The following PNMT variants were observed in gnomAD, a reference collection of about 807,000 sequenced individuals.
PNMT encodes the protein noradrenaline N-methyltransferase.
PNMT carries 18 observed loss-of-function variants against 18.9 expected under a neutral mutation model. The ratio of observed to expected loss-of-function variants is 0.95; its 90% confidence interval spans 0.66 to 1.41. PNMT has a LOEUF of 1.41. Ranked by LOEUF, PNMT falls within the 40% of genes most tolerant of loss-of-function variation. The pLI, the probability that PNMT is intolerant of heterozygous loss-of-function variation, is 0.00. For missense variants in PNMT, 378 were observed against 387.0 expected, an observed-to-expected ratio of 0.98 and a Z score of 0.20; for synonymous variants, 167 against 168.6, an observed-to-expected ratio of 0.99 and a Z score of 0.08.
intron 2 of PNMT, 25 bp downstream of exon 2, chr17:39,669,861 G>A (rs1433862570): frequency 1.2e-6 from 2 of 1,605,654 alleles, no homozygotes; most frequent in East Asian, 2.2e-5. Context: ...GTGAGGGTTG[G>A]GGAGGAGGCT....
intron 1 of PNMT, among the ~76,000 whole-genome samples, chr17:39,669,175 G>A (rs976472440): frequency 3.9e-5 from 6 of 152,064 alleles, no homozygotes; most frequent in Non-Finnish European, 8.8e-5. Flanking sequence ...CCGCCTCCCC[G>A]GTTCAAGCGA....
Position 39,668,508 on chromosome 17 carries a change from C to A in PNMT, c.33C>A (p.Gly11=). Residue 11 remains glycine (G), a synonymous_variant, in exon 1 of 3, where the codon GGC becomes GGA. Transcript: ENST00000269582. ...GCGCAGACCGTAGCCCCAATGCGGG[C>A]GCAGCCCCTGACTCGGCCCCGGGCC... The part of the protein sequence containing the change: MSGADRSPNA[G]AAPDSAPGQA... 6.5e-7 allele frequency: 1 copy of A among 1,529,290 alleles called. No homozygotes were observed. Among genetic ancestry groups the A allele is most frequent in the South Asian group, 1.2e-5 (1 of 83,100 alleles). The allele number at this position is 1,529,290 out of a possible 1,614,324, so 94.7% of individuals were successfully genotyped here.
chr17:39,669,422 C>A (rs895121117), intron 1 of PNMT, among the ~76,000 whole-genome samples: 1 of 152,142 alleles, frequency 6.6e-6, no homozygotes, highest in Non-Finnish European at 1.5e-5. Context: ...AGTCTCAGAG[C>A]GGTGAAGTTC....
At chr17:39,668,443 C>G, upstream of PNMT, 1 of 1,346,364 alleles carries the variant, frequency 7.4e-7, no homozygotes, top group Non-Finnish European at 9.5e-7. Flanking sequence ...GGCCGCGAGG[C>G]GAGCGGGGCA....
chr17:39,668,671 G>T lies in PNMT; in HGVS notation c.196G>T (p.Ala66Ser), dbSNP rs1205490031. The change falls in exon 1 of 3, where the codon GCC (alanine) becomes TCC (serine). Residue 66 changes from alanine (A) to serine (S), a missense_variant. Coordinates refer to ENST00000269582, the MANE Select transcript of PNMT (RefSeq NM_002686.4). ...GCTGCGCTGCTTGGCGCAGACCTTC[G>T]CCACCGGTGAGCGGGGGAAACTGAG... Reference protein sequence around the residue: ...WKLRCLAQTFATGEVSGRTLI... With the variant: ...WKLRCLAQTFSTGEVSGRTLI... 6.4e-7 allele frequency: 1 copy of T among 1,574,228 alleles called. No homozygotes were observed. Among genetic ancestry groups the T allele is most frequent in the Non-Finnish European group, 8.6e-7 (1 of 1,158,402 alleles).
At chr17:39,668,165 TG>T (rs1190454757), upstream of PNMT, 1 of 173,924 alleles carries the variant, frequency 5.7e-6, no homozygotes, top group East Asian at 7.5e-5. Flanking sequence ...GAACTGAGGG[TG>T]GGGGGCGCCC....
rs2057272816 is a variant in PNMT, at chr17:39,668,520, C to T, written c.45C>T (p.Asp15=). 2 of 1,538,228 alleles carry T rather than the reference C, an allele frequency of 1.3e-6. No homozygotes were observed. Among genetic ancestry groups the T allele is most frequent in the Admixed American group, 1.9e-5 (1 of 51,922 alleles). ...GCCCCAATGCGGGCGCAGCCCCTGA[C>T]TCGGCCCCGGGCCAGGCGGCGGTGG... ...DRSPNAGAAP[D]SAPGQAAVAS... is the part of the protein sequence containing the mutation. Residue 15 remains aspartate (D), a synonymous_variant, in exon 1 of 3, where the codon GAC becomes GAT. Transcript: ENST00000269582.
rs956719603 is a variant in PNMT at position 39,670,233 on chromosome 17, G to A, written c.693G>A (p.Val231=). The change falls in exon 3 of 3, where the codon GTG becomes GTA. Residue 231 remains valine, a synonymous_variant. Transcript: ENST00000269582. ...WYLAGEARLT[V]VPVSEEEVRE... is the part of the protein sequence containing the mutation. ...TGGCTGGGGAGGCCAGGCTGACGGT[G>A]GTGCCAGTGTCTGAGGAGGAGGTGA... is the stretch of plus-strand genomic sequence containing the variant. 2.5e-6 allele frequency: 4 copies of A among 1,610,642 alleles called. No individual in the cohort carries two copies. The highest frequency in any genetic ancestry group is 3.4e-6 in the Non-Finnish European group (4 of 1,179,136).
intron 2 of PNMT, 54 bp from the exon 3 acceptor site, chr17:39,669,897 A>G (rs2057284220): frequency 6.3e-7 from 1 of 1,592,520 alleles, no homozygotes; most frequent in African/African-American, 1.3e-5. Flanking sequence ...GGTTGGGGCA[A>G]CAGAGGCCTG....
In PNMT at chr17:39,670,213, G is replaced by T. The variant is rs894322044; in HGVS notation, c.673G>T (p.Gly225Trp). The T allele has an allele frequency of 4.3e-6, 7 of 1,611,290 alleles. No homozygotes were observed. In the African/African-American group the frequency reaches 8.0e-5, roughly 18 times the overall value. Reference sequence around the variant, plus strand: ...CCTGGAGGAGTCGTGGTACCTGGCTGGGGAGGCCAGGCTGACGGTGGTGCC... The same window carrying T: ...CCTGGAGGAGTCGTGGTACCTGGCTTGGGAGGCCAGGCTGACGGTGGTGCC... The part of the protein sequence containing the change: ...GALEESWYLA[G>W]EARLTVVPVS... The change falls in exon 3 of 3, where the codon GGG (glycine) becomes TGG (tryptophan). Residue 225 changes from glycine (G) to tryptophan (W), a missense_variant. Coordinates refer to ENST00000269582, the MANE Select transcript of PNMT (RefSeq NM_002686.4).
In PNMT at chr17:39,670,183, G is replaced by A. The variant is rs368175101; in HGVS notation, c.643G>A (p.Gly215Arg). 1.1e-5 allele frequency: 17 copies of A among 1,611,944 alleles called. No homozygotes were observed. Among genetic ancestry groups the A allele is most frequent in the South Asian group, 9.9e-5 (9 of 90,954 alleles). Residue 215 changes from glycine to arginine, a missense_variant, in exon 3 of 3, where the codon GGG becomes AGG. By Grantham distance (125) the Gly-to-Arg change is moderately radical. Coordinates refer to ENST00000269582, the MANE Select transcript of PNMT (RefSeq NM_002686.4). The part of the protein sequence containing the change: ...LRPGGHLLLI[G>R]ALEESWYLAG... ...GCCTGGGGGGCACCTCCTCCTCATCGGGGCCCTGGAGGAGTCGTGGTACCT... is the reference window on the plus strand; with the variant it reads ...GCCTGGGGGGCACCTCCTCCTCATCAGGGCCCTGGAGGAGTCGTGGTACCT...
Position 39,670,029 on chromosome 17 carries a change from G to GCCCCTGGGTGCTGGGAGCCCAGCT in PNMT, c.496_519dup (p.Gly166_Leu173dup), listed in dbSNP as rs778205956. Reference sequence around the variant, plus strand: ...TGCCCATCGACGTGCACCAGCCCCAGCCCCTGGGTGCTGGGAGCCCAGCTC... The same window carrying GCCCCTGGGTGCTGGGAGCCCAGCT: ...TGCCCATCGACGTGCACCAGCCCCAGCCCCTGGGTGCTGGGAGCCCAGCTCCCCTGGGTGCTGGGAGCCCAGCTC... On this transcript the variant is annotated inframe_insertion, in exon 3 of 3. Coordinates refer to ENST00000269582, the MANE Select transcript of PNMT (RefSeq NM_002686.4). The GCCCCTGGGTGCTGGGAGCCCAGCT allele has an allele frequency of 5.1e-5, 82 of 1,605,774 alleles. No individual in the cohort carries two copies. Among genetic ancestry groups the GCCCCTGGGTGCTGGGAGCCCAGCT allele is most frequent in the Non-Finnish European group, 6.4e-5 (76 of 1,179,896 alleles).
rs747347081 is a variant in PNMT, at chr17:39,669,842, G to A, written c.410+6G>A. On this transcript the variant is annotated splice_donor_region_variant and intron_variant, in intron 2 of 2. Coordinates refer to ENST00000269582, the MANE Select transcript of PNMT (RefSeq NM_002686.4). ...TGCCTCATTGAGGGCAAGGGGTAAG[G>A]ACTGGGGGGTGAGGGTTGGGGAGGA... 6.2e-7 allele frequency: 1 copy of A among 1,611,718 alleles called. No individual in the cohort carries two copies. The highest frequency in any genetic ancestry group is 1.1e-5 in the South Asian group (1 of 90,984).
In PNMT at chr17:39,670,410, T is replaced by C. The variant is rs1275771189; in HGVS notation, c.*21T>C. 3 of 1,530,860 alleles carry C rather than the reference T, an allele frequency of 2.0e-6. No individual in the cohort carries two copies. Among genetic ancestry groups the C allele is most frequent in the South Asian group, 1.2e-5 (1 of 80,044 alleles). 94.8% of individuals were successfully genotyped at this position (1,530,860 alleles called of 1,614,324 possible). A position where few individuals can be genotyped will look rare whatever the true frequency, so the allele number is the denominator to read the frequency against. ...TGTGAGGGCTGTACCTGGTGCCCTG[T>C]GGCCCCCACCCACCTGGATTCCCTG... On this transcript the variant is annotated 3_prime_UTR_variant, in exon 3 of 3. Transcript: ENST00000269582.
chr17:39,668,206 G>A (rs951624297), upstream of PNMT: 5 of 383,822 alleles, frequency 1.3e-5, no homozygotes, highest in Admixed American at 9.4e-5. Context: ...GGGCAGGCGA[G>A]GCGGAGGGCG....
intron 1 of PNMT, among the ~76,000 whole-genome samples, 180 bp downstream of exon 1, chr17:39,668,857 G>T (rs2057275672): frequency 6.6e-6 from 1 of 152,000 alleles, no homozygotes. Flanking sequence ...CCTTAGGAGA[G>T]GGGCAGAGGA....
Position 39,669,936 on chromosome 17 carries a change from G to C in PNMT, c.411-15G>C. On this transcript the variant is annotated splice_polypyrimidine_tract_variant and intron_variant, in intron 2 of 2. Transcript: ENST00000269582. ...GTAGAACAGCCTTGAGCCCTGCCTT[G>C]TGCCTCCTGCACAGGGAATGCTGGC... 6.3e-7 allele frequency: 1 copy of C among 1,595,158 alleles called. No homozygotes were observed. The highest frequency in any genetic ancestry group is 1.1e-5 in the South Asian group (1 of 89,308).
At chr17:39,668,403 T>G (rs1597807043), upstream of PNMT, 6 of 1,253,436 alleles carry the variant, frequency 4.8e-6, no homozygotes, top group East Asian at 1.9e-4. Flanking sequence ...AGCGGACCGG[T>G]CGGGGCGGGG....
At position 39,669,983 on chromosome 17, in the gene PNMT, G is replaced by T; in HGVS notation, c.443G>T (p.Arg148Leu). The change falls in exon 3 of 3, where the codon CGA becomes CTA. Residue 148 changes from arginine (R) to leucine (L), a missense_variant. Coordinates refer to ENST00000269582, the MANE Select transcript of PNMT (RefSeq NM_002686.4). ...ECWQDKERQLRARVKRVLPID... is the reference protein window; with the variant it reads ...ECWQDKERQLLARVKRVLPID... The stretch of plus-strand genomic sequence containing the variant: ...TGGCAGGATAAGGAGCGCCAGCTGC[G>T]AGCCAGGGTGAAACGGGTCCTGCCC... The T allele has an allele frequency of 6.2e-7, 1 of 1,602,266 alleles. No individual in the cohort carries two copies. Among genetic ancestry groups the T allele is most frequent in the Non-Finnish European group, 8.5e-7 (1 of 1,177,398 alleles).
Sources: gnomAD v4.1 joint callset for allele counts (sites outside exome capture counted in the v4.1 genomes callset) on GRCh38, gnomAD v4.1.1 for gene constraint, MANE v1.5 for transcripts, NCBI Gene and HGNC (gene_info 2026-07-23, HGNC 2026-07-21) for gene names.